The following MORN2 variants were observed in gnomAD, a reference collection of about 807,000 sequenced individuals.
MORN2 encodes MORN repeat containing 2, also known as MORN repeat-containing protein 2.
MORN2 carries 15 observed loss-of-function variants against 13.4 expected under a neutral mutation model. The ratio of observed to expected loss-of-function variants is 1.12; its 90% confidence interval spans 0.75 to 1.72. MORN2 has a LOEUF of 1.72. Ranked by LOEUF, MORN2 falls within the 40% of genes most tolerant of loss-of-function variation. The probability of loss-of-function intolerance (pLI) is 0.00; values close to 1 mark genes in which losing one functional copy is unlikely to be tolerated. For synonymous variants in MORN2, 46 were observed against 43.6 expected (o/e 1.06, Z -0.22); for missense variants, 168 against 134.6 (o/e 1.25, Z -1.23).
At chr2:38,881,683 C>G in intron 4 of MORN2, 105 bp downstream of exon 4, 2 of 936,156 alleles carry the variant, frequency 2.1e-6, no homozygotes, top group Non-Finnish European at 3.0e-6. Flanking sequence ...CAGAGTCTCC[C>G]TCTGTCATCC....
chr2:38,880,165 A>G lies in MORN2; in HGVS notation c.59-14A>G. The G allele has an allele frequency of 2.5e-6, 1 of 398,910 alleles. No homozygotes were observed. The highest frequency in any genetic ancestry group is 4.4e-6 in the Non-Finnish European group (1 of 226,000). 24.7% of individuals were successfully genotyped at this position (398,910 alleles called of 1,614,324 possible). On this transcript the variant is annotated splice_polypyrimidine_tract_variant and intron_variant, in intron 1 of 4. Transcript: ENST00000644631. ...AGTAAACTTATGTCACTGTTTTTAA[A>G]TCTTTTAAAACAGCTTCAGAAGTGT...
intron 1 of MORN2, among the ~76,000 whole-genome samples, chr2:38,879,363 C>T (rs1665725349): frequency 6.6e-6 from 1 of 152,018 alleles, no homozygotes; most frequent in South Asian, 2.1e-4. Context: ...ATAATGGCCT[C>T]AAACTGGAAA....
chr2:38,882,089 T>C (rs1325789445), intron 4 of MORN2, among the ~76,000 whole-genome samples: 1 of 152,230 alleles, frequency 6.6e-6, no homozygotes, highest in Non-Finnish European at 1.5e-5. Context: ...AGTGAAGTAA[T>C]TAAGCTAGAT....
At chr2:38,877,598 A>G (rs1414295165) in intron 1 of MORN2, among the ~76,000 whole-genome samples, 1 of 152,034 alleles carries the variant, frequency 6.6e-6, no homozygotes, top group Non-Finnish European at 1.5e-5. Context: ...CACCATTTCC[A>G]TATTGATATT....
intron 1 of MORN2, among the ~76,000 whole-genome samples, chr2:38,878,126 A>G (rs1665698268): frequency 6.7e-6 from 1 of 150,210 alleles, no homozygotes; most frequent in Non-Finnish European, 1.5e-5. Flanking sequence ...CCATGATTTT[A>G]GATTGATAGT....
intron 4 of MORN2, 111 bp downstream of exon 4, chr2:38,881,689 CA>C: frequency 3.3e-6 from 3 of 911,244 alleles, no homozygotes; most frequent in Non-Finnish European, 4.6e-6. Flanking sequence ...CTCCCTCTGT[CA>C]TCCAGGCAGG....
intron 3 of MORN2, 119 bp from the exon 4 acceptor site, chr2:38,881,323 A>G (rs918464676): frequency 4.9e-6 from 4 of 822,480 alleles, no homozygotes; most frequent in Non-Finnish European, 7.4e-6. Flanking sequence ...GAAATAAAGG[A>G]CAATACAAAG....
rs1665742546 is a variant in MORN2, at chr2:38,880,161, T to C, written c.59-18T>C. ...AAAAAGTAAACTTATGTCACTGTTT[T>C]TAAATCTTTTAAAACAGCTTCAGAA... On this transcript the variant is annotated intron_variant, in intron 1 of 4. Transcript: ENST00000644631. 5.0e-6 allele frequency: 2 copies of C among 398,754 alleles called. No homozygotes were observed. The highest frequency in any genetic ancestry group is 8.9e-6 in the Non-Finnish European group (2 of 225,986). The allele number at this position is 398,754 out of a possible 1,614,324, so 24.7% of individuals were successfully genotyped here. A position where few individuals can be genotyped will look rare whatever the true frequency, so the allele number is the denominator to read the frequency against.
Position 38,879,093 on chromosome 2 carries a change from C to G in MORN2, c.59-1086C>G, listed in dbSNP as rs117710123. Among the ~76,000 whole-genome samples, 418 of 152,268 alleles carry G rather than the reference C, an allele frequency of 2.7e-3. 9 individuals are homozygous for G. In the East Asian group the frequency reaches 0.055, roughly 20 times the overall value. On this transcript the variant is annotated intron_variant, in intron 1 of 4. Coordinates refer to ENST00000644631, the MANE Select transcript of MORN2 (RefSeq NM_001145450.3). ...TGCGGTCCTCTTTCTTCCTTTTTCA[C>G]TTGGTCTCCATTCCAGTCTCATTCT...
In MORN2 at chr2:38,881,806, A is replaced by G. The variant is rs867355658; in HGVS notation, c.353+228A>G. 2.6e-5 allele frequency among the ~76,000 whole-genome samples: 4 copies of G among 152,092 alleles called. 1 individual carries two copies. The highest frequency in any genetic ancestry group is 2.6e-4 in the Admixed American group (4 of 15,264). ...GCTGGGTCCACAGATGTGCACTACC[A>G]CACCCAGCTATTTTTTGTATTTTCA... On this transcript the variant is annotated intron_variant, in intron 4 of 4. Coordinates refer to ENST00000644631, the MANE Select transcript of MORN2 (RefSeq NM_001145450.3).
intron 3 of MORN2, among the ~76,000 whole-genome samples, chr2:38,881,230 C>G (rs1214820818): frequency 3.3e-5 from 5 of 152,102 alleles, no homozygotes; most frequent in East Asian, 1.9e-4. Flanking sequence ...TCAAATGTCC[C>G]AGATCCAGAA....
chr2:38,877,325 A>G (rs867809606), intron 1 of MORN2, among the ~76,000 whole-genome samples: 11 of 152,024 alleles, frequency 7.2e-5, no homozygotes, highest in African/African-American at 2.4e-4. Context: ...AAAATAAAAA[A>G]GAAAGAAAGT....
rs1389162259 is a variant in MORN2, at chr2:38,882,541, T to G, written c.*26T>G. The stretch of plus-strand genomic sequence containing the variant: ...ATGTGATGTTAAATTAAAGTTGAAA[T>G]GTAGTAATTGAAGCTTTTAGTTGTA... On this transcript the variant is annotated 3_prime_UTR_variant, in exon 5 of 5. Coordinates refer to ENST00000644631, the MANE Select transcript of MORN2 (RefSeq NM_001145450.3). The G allele has an allele frequency of 1.3e-6, 2 of 1,490,870 alleles. No homozygotes were observed. Among genetic ancestry groups the G allele is most frequent in the Non-Finnish European group, 1.8e-6 (2 of 1,093,376 alleles). 92.4% of individuals were successfully genotyped at this position (1,490,870 alleles called of 1,614,324 possible). A position where few individuals can be genotyped will look rare whatever the true frequency, so the allele number is the denominator to read the frequency against.
At chr2:38,876,993 A>G (rs1486257020) in intron 1 of MORN2, among the ~76,000 whole-genome samples, 5 of 152,222 alleles carry the variant, frequency 3.3e-5, no homozygotes, top group Admixed American at 6.5e-5. Flanking sequence ...TATTTTGCCA[A>G]CTCTTGAGGA....
chr2:38,881,462 T>G lies in MORN2; in HGVS notation c.237T>G (p.Leu79=). The change falls in exon 4 of 5, where the codon CTT becomes CTG. Residue 79 remains leucine, a synonymous_variant. Coordinates refer to ENST00000644631, the MANE Select transcript of MORN2 (RefSeq NM_001145450.3). The stretch of plus-strand genomic sequence containing the variant: ...AACAGATGAATGGTTTTGGAAGACT[T>G]GAGCATTTTTCAGGAGCAGTATATG... 6.5e-7 allele frequency: 1 copy of G among 1,538,786 alleles called. No individual in the cohort carries two copies. Among genetic ancestry groups the G allele is most frequent in the Non-Finnish European group, 8.7e-7 (1 of 1,143,232 alleles).
intron 3 of MORN2, 135 bp downstream of exon 3, chr2:38,880,841 C>A: frequency 1.0e-6 from 1 of 952,494 alleles, no homozygotes; most frequent in Non-Finnish European, 1.5e-6. Context: ...ATCATATTAA[C>A]ATATATTAAC....
intron 1 of MORN2, among the ~76,000 whole-genome samples, chr2:38,879,467 TG>T (rs1224520867): frequency 6.6e-6 from 1 of 152,198 alleles, no homozygotes; most frequent in Non-Finnish European, 1.5e-5. Context: ...TAAAAAGGAA[TG>T]AAGTACTGAT....
chr2:38,878,076 A>G (rs1665697083), intron 1 of MORN2, among the ~76,000 whole-genome samples: 1 of 152,192 alleles, frequency 6.6e-6, no homozygotes, highest in African/African-American at 2.4e-5. Context: ...GATTCCAGGC[A>G]TGAGCCAGTA....
chr2:38,877,631 CT>C (rs894030513), intron 1 of MORN2, among the ~76,000 whole-genome samples: 3 of 151,088 alleles, frequency 2.0e-5, no homozygotes, highest in Admixed American at 6.6e-5. Context: ...GTTACAGATT[CT>C]TTTTTTTTCT....
Sources: gnomAD v4.1 joint callset for allele counts (sites outside exome capture counted in the v4.1 genomes callset) on GRCh38, gnomAD v4.1.1 for gene constraint, MANE v1.5 for transcripts, NCBI Gene and HGNC (gene_info 2026-07-23, HGNC 2026-07-21) for gene names.